POLR3H: variants seen among roughly 807,000 people sequenced by gnomAD.
POLR3H encodes the protein RNA polymerase III subunit H.
A neutral mutation model predicts 25.5 loss-of-function variants in POLR3H; 17 were observed. That is an observed-to-expected ratio of 0.67 (90% CI 0.46 to 1.00). The LOEUF (loss-of-function observed/expected upper bound fraction) is 1.00, where lower values mean the gene tolerates loss of function less well. POLR3H is among the 50% of genes least tolerant of loss of function. The probability of loss-of-function intolerance (pLI) is 0.00; values close to 1 mark genes in which losing one functional copy is unlikely to be tolerated. For missense variants in POLR3H, 274 were observed against 265.0 expected (o/e 1.03, Z -0.24); for synonymous variants, 129 against 103.0 (o/e 1.25, Z -1.53).
At chr22:41,543,065 A>C (rs1375305873) in intron 1 of POLR3H, among the ~76,000 whole-genome samples, 1 of 152,148 alleles carries the variant, frequency 6.6e-6, no homozygotes, top group Non-Finnish European at 1.5e-5. Flanking sequence ...CTTTGGCTAA[A>C]TGAGGGGATA....
At chr22:41,529,819 G>C in intron 5 of POLR3H, 2 of 405,906 alleles carry the variant, frequency 4.9e-6, no homozygotes, top group Admixed American at 5.8e-5. Flanking sequence ...GGAGTGGCAC[G>C]ATCTTGGCTC....
In POLR3H at chr22:41,544,427, CCA is replaced by C. The variant is rs1193327210; in HGVS notation, c.-328_-327del. 4.7e-6 allele frequency: 1 copy of C among 211,538 alleles called. No homozygotes were observed. Among genetic ancestry groups the C allele is most frequent in the African/African-American group, 2.3e-5 (1 of 42,568 alleles). The allele number at this position is 211,538 out of a possible 1,614,324, so 13.1% of individuals were successfully genotyped here. ...CACGTGCCGCCGCTCGTATCACGCA[CCA>C]CGCACCACGCACCGCGCACAGCCGC... On this transcript the variant is annotated 5_prime_UTR_variant, in exon 1 of 6. Transcript: ENST00000355209.
chr22:41,529,554 A>G, intron 5 of POLR3H: 1 of 677,424 alleles, frequency 1.5e-6, no homozygotes, highest in Non-Finnish European at 2.7e-6. Flanking sequence ...CCAGGCCCTG[A>G]TAGGGTCAGG....
At chr22:41,532,301 ACCTAATG>A (rs1349139972) in intron 3 of POLR3H, 144 bp from the exon 4 acceptor site, 66 of 805,622 alleles carry the variant, frequency 8.2e-5, no homozygotes, top group Admixed American at 2.0e-4. Context: ...CCCCTTCCCC[ACCTAATG>A]CCTCTGCGTA....
intron 5 of POLR3H, among the ~76,000 whole-genome samples, chr22:41,530,385 G>A (rs1027939074): frequency 6.6e-6 from 1 of 152,200 alleles, no homozygotes; most frequent in Non-Finnish European, 1.5e-5. Context: ...TGGGATTATA[G>A]ATGTGAGCCA....
chr22:41,540,667 A>T, intron 2 of POLR3H, 32 bp downstream of exon 2: 1 of 1,528,040 alleles, frequency 6.5e-7, no homozygotes, highest in African/African-American at 1.4e-5. Context: ...AGCCCCAAGA[A>T]GCCCAATGCC....
chr22:41,529,707 C>G (rs1318476590), intron 5 of POLR3H: 1 of 556,480 alleles, frequency 1.8e-6, no homozygotes, highest in Non-Finnish European at 3.5e-6. Flanking sequence ...GGAGCCCTCC[C>G]TTTTATTTCA....
chr22:41,530,126 C>T (rs2066697975), intron 5 of POLR3H, among the ~76,000 whole-genome samples: 1 of 152,032 alleles, frequency 6.6e-6, no homozygotes, highest in African/African-American at 2.4e-5. Flanking sequence ...CCTCAAACCC[C>T]TCCCTACCCC....
intron 4 of POLR3H, among the ~76,000 whole-genome samples, 196 bp downstream of exon 4, chr22:41,531,898 T>C (rs1444558753): frequency 1.3e-5 from 2 of 152,170 alleles, no homozygotes; most frequent in African/African-American, 2.4e-5. Context: ...AAGACAGGCA[T>C]GTGGGCATCA....
chr22:41,526,127 C>G lies in POLR3H; in HGVS notation c.*3156G>C. 2 of 721,090 alleles carry G rather than the reference C, an allele frequency of 2.8e-6. No individual in the cohort carries two copies. The highest frequency in any genetic ancestry group is 4.6e-6 in the Non-Finnish European group (2 of 435,982). 44.7% of individuals were successfully genotyped at this position (721,090 alleles called of 1,614,324 possible). ...AGCACCAGGACCACAGAACACGTGT[C>G]TGAAGACTTGCCTGCCTCTCACCCC... On this transcript the variant is annotated 3_prime_UTR_variant, in exon 6 of 6. Coordinates refer to ENST00000355209, the MANE Select transcript of POLR3H (RefSeq NM_001018050.4).
intron 2 of POLR3H, chr22:41,533,684 C>T (rs769914265): frequency 2.3e-6 from 3 of 1,304,010 alleles, no homozygotes; most frequent in African/African-American, 3.0e-5. Context: ...ATGGACCTCT[C>T]ACCCTGGGAA....
At position 41,533,658 on chromosome 22, in the gene POLR3H, T is replaced by C. The variant is rs1010027245; in HGVS notation, c.209-913A>G. ...CAGGGACCCTGGCATCAGCAGGGCA[T>C]GAGGAGAGGCAGCCGATGGACCTCT... On this transcript the variant is annotated intron_variant, in intron 2 of 5. Coordinates refer to ENST00000355209, the MANE Select transcript of POLR3H (RefSeq NM_001018050.4). 44 of 1,303,868 alleles carry C rather than the reference T, an allele frequency of 3.4e-5. No homozygotes were observed. The African/African-American group carries it at 6.2e-4, about 18-fold the overall frequency. The allele number at this position is 1,303,868 out of a possible 1,614,324, so 80.8% of individuals were successfully genotyped here. A position where few individuals can be genotyped will look rare whatever the true frequency, so the allele number is the denominator to read the frequency against.
At chr22:41,536,207 A>C (rs1000801099) in intron 2 of POLR3H, among the ~76,000 whole-genome samples, 1 of 151,530 alleles carries the variant, frequency 6.6e-6, no homozygotes, top group African/African-American at 2.4e-5. Context: ...CCTGGCTAAC[A>C]TGATGAAACC....
Position 41,544,138 on chromosome 22 carries a change from C to G in POLR3H, c.-37G>C. 2.2e-6 allele frequency: 3 copies of G among 1,347,242 alleles called. No individual in the cohort carries two copies. Among genetic ancestry groups the G allele is most frequent in the Non-Finnish European group, 3.2e-6 (3 of 944,170 alleles). 83.5% of individuals were successfully genotyped at this position (1,347,242 alleles called of 1,614,324 possible). A position where few individuals can be genotyped will look rare whatever the true frequency, so the allele number is the denominator to read the frequency against. On this transcript the variant is annotated 5_prime_UTR_variant, in exon 1 of 6. The change abolishes the stop of an existing upstream ORF in the 5' untranslated region. Coordinates refer to ENST00000355209, the MANE Select transcript of POLR3H (RefSeq NM_001018050.4). ...CTGGGGGCTCTGGGAACAGGAGGGTCAGTCACGCACCAGGGCCGGGGGCAG... is the reference window on the plus strand; with the variant it reads ...CTGGGGGCTCTGGGAACAGGAGGGTGAGTCACGCACCAGGGCCGGGGGCAG...
At position 41,532,155 on chromosome 22, in the gene POLR3H, A is replaced by G. The variant is rs1052543851; in HGVS notation, c.298T>C (p.Ser100Pro). 10 of 1,613,878 alleles carry G rather than the reference A, an allele frequency of 6.2e-6. No individual in the cohort carries two copies. In the African/African-American group the frequency reaches 1.1e-4, roughly 17 times the overall value. ...AGAATGTCATCGAAGAAGCCTAGAG[A>G]GACTGGAAGGAAGGAAGCAGGTGAC... Reference protein sequence around the residue: ...KGCSPEGVHVSLGFFDDILIP... With the variant: ...KGCSPEGVHVPLGFFDDILIP... Residue 100 changes from serine (S) to proline (P), a missense_variant and splice_region_variant, in exon 4 of 6, where the codon TCT becomes CCT. Ser to Pro is a moderately conservative substitution (Grantham distance 74, BLOSUM62 -1). Transcript: ENST00000355209.
At chr22:41,531,472 A>G (rs1244050041) in intron 4 of POLR3H, among the ~76,000 whole-genome samples, 2 of 152,214 alleles carry the variant, frequency 1.3e-5, no homozygotes. Flanking sequence ...CAGAGCCCAC[A>G]CAGGGGAGCC....
At position 41,543,997 on chromosome 22, in the gene POLR3H, G is replaced by C; in HGVS notation, c.105C>G (p.Ala35=). 6.2e-7 allele frequency: 1 copy of C among 1,612,338 alleles called. No homozygotes were observed. Among genetic ancestry groups the C allele is most frequent in the Admixed American group, 1.7e-5 (1 of 60,008 alleles). ...SIAEELNKKL[A]NKVVYNVGLC... is the part of the protein sequence containing the mutation. ...CGAGCCGTGGGCCCAGTACCTTGTTGGCCAACTTCTTGTTCAGCTCCTCGG... is the reference window on the plus strand; with the variant it reads ...CGAGCCGTGGGCCCAGTACCTTGTTCGCCAACTTCTTGTTCAGCTCCTCGG... Residue 35 remains alanine, a synonymous_variant, in exon 1 of 6, where the codon GCC becomes GCG. Coordinates refer to ENST00000355209, the MANE Select transcript of POLR3H (RefSeq NM_001018050.4).
chr22:41,529,169 CA>C lies in POLR3H; in HGVS notation c.*113del, dbSNP rs1413736570. The C allele has an allele frequency of 1.1e-6, 1 of 934,592 alleles. No individual in the cohort carries two copies. Among genetic ancestry groups the C allele is most frequent in the Non-Finnish European group, 1.6e-6 (1 of 619,590 alleles). 57.9% of individuals were successfully genotyped at this position (934,592 alleles called of 1,614,324 possible). On this transcript the variant is annotated 3_prime_UTR_variant, in exon 6 of 6. Coordinates refer to ENST00000355209, the MANE Select transcript of POLR3H (RefSeq NM_001018050.4). ...CTGGTGGGCACTCCTGGCCTTGCCT[CA>C]CTGTCCAGCTCGAGACACTATCTCC...
rs1024445639 is a variant in POLR3H, at chr22:41,528,418, C to T, written c.*865G>A. On this transcript the variant is annotated 3_prime_UTR_variant, in exon 6 of 6. Coordinates refer to ENST00000355209, the MANE Select transcript of POLR3H (RefSeq NM_001018050.4). ...GCAGTGCCCTGTCTCCCTGACCCCC[C>T]TGCGGGGCCAAGGGCACACAGTACC... is the stretch of plus-strand genomic sequence containing the variant. The T allele has an allele frequency of 2.8e-5, 44 of 1,586,066 alleles. No individual in the cohort carries two copies. The highest frequency in any genetic ancestry group is 3.6e-5 in the Non-Finnish European group (42 of 1,167,252).
Sources: allele counts gnomAD v4.1 joint callset (sites outside exome capture counted in the v4.1 genomes callset), GRCh38; gene constraint gnomAD v4.1.1; transcripts MANE v1.5; gene names NCBI Gene and HGNC (gene_info 2026-07-23, HGNC 2026-07-21).